Variants in ATG5 observed in about 807,000 individuals in gnomAD.
ATG5 encodes the protein autophagy protein 5.
ATG5 carries 14 observed loss-of-function variants against 36.5 expected under a neutral mutation model. The observed-to-expected ratio is 0.38, with a 90% CI of 0.25 to 0.60. The LOEUF (loss-of-function observed/expected upper bound fraction) is 0.60, where lower values mean the gene tolerates loss of function less well. Among genes scored for constraint, ATG5 ranks in the 20% least tolerant of loss-of-function variants. The pLI, the probability that ATG5 is intolerant of heterozygous loss-of-function variation, is 0.60. For synonymous variants in ATG5, 95 were observed against 101.5 expected (o/e 0.94, Z 0.38); for missense variants, 195 against 326.7 (o/e 0.60, Z 3.11).
In ATG5 at chr6:106,246,871, T is replaced by A. The variant is rs544912878; in HGVS notation, c.573+1279A>T. ...AGAATATAAATAATTAAAATAAAAT[T>A]GACAAATGATAAATGATTTAATAAA... On this transcript the variant is annotated intron_variant, in intron 6 of 7. Coordinates refer to ENST00000369076, the MANE Select transcript of ATG5 (RefSeq NM_004849.4). 4.6e-5 allele frequency among the ~76,000 whole-genome samples: 7 copies of A among 152,298 alleles called. No homozygotes were observed. The South Asian group carries it at 8.3e-4, about 18-fold the overall frequency.
Position 106,288,073 on chromosome 6 carries a change from C to T in ATG5, c.315+4955G>A, listed in dbSNP as rs150634912. ...GCAACCTCCGCCCCCCAGGTTCAAG[C>T]GATTCTCCTGCCTCAGCCTCCCGAG... On this transcript the variant is annotated intron_variant, in intron 4 of 7. Coordinates refer to ENST00000369076, the MANE Select transcript of ATG5 (RefSeq NM_004849.4). Among the ~76,000 whole-genome samples, 160 of 151,640 alleles carry T rather than the reference C, an allele frequency of 1.1e-3. 1 individual carries two copies. The highest frequency in any genetic ancestry group is 3.7e-3 in the African/African-American group (152 of 41,298).
rs139861860 is a variant in ATG5, at chr6:106,311,307, T to C, written c.109-2816A>G. On this transcript the variant is annotated intron_variant, in intron 2 of 7. Transcript: ENST00000369076. ...AAAACAAAATTACAAATGTGATTAA[T>C]GCAGGGAGGAAGTAAAGAATGTTAT... 5.9e-5 allele frequency among the ~76,000 whole-genome samples: 9 copies of C among 152,332 alleles called. No individual in the cohort carries two copies. In the East Asian group the frequency reaches 1.7e-3, roughly 29 times the overall value.
intron 6 of ATG5, among the ~76,000 whole-genome samples, chr6:106,216,566 G>A (rs564050211): frequency 1.1e-4 from 16 of 152,312 alleles, no homozygotes; most frequent in African/African-American, 3.8e-4. Flanking sequence ...TAGTTGCCAA[G>A]GGCTGGAGGG....
At chr6:106,302,841 G>A (rs2787545) in intron 3 of ATG5, among the ~76,000 whole-genome samples, 12,965 of 151,700 alleles carry the variant, frequency 0.085, 582 homozygotes, top group South Asian at 0.13. Context: ...ACACAGACCC[G>A]AATGAAAACA....
chr6:106,240,469 A>C (rs1191106341), intron 6 of ATG5, among the ~76,000 whole-genome samples: 2 of 151,548 alleles, frequency 1.3e-5, no homozygotes, highest in East Asian at 3.8e-4. Flanking sequence ...ATGGTCAACA[A>C]AGATAAAACA....
intron 1 of ATG5, among the ~76,000 whole-genome samples, chr6:106,322,680 A>T (rs2763222): frequency 6.6e-6 from 1 of 152,136 alleles, no homozygotes; most frequent in African/African-American, 2.4e-5. Context: ...AAATCTCTCC[A>T]AACTGTAAAT....
chr6:106,223,258 A>G (rs948190432), intron 6 of ATG5, among the ~76,000 whole-genome samples: 1 of 152,228 alleles, frequency 6.6e-6, no homozygotes, highest in African/African-American at 2.4e-5. Context: ...CTACTCTTAT[A>G]ACATGACAAT....
intron 2 of ATG5, among the ~76,000 whole-genome samples, chr6:106,312,002 T>C (rs1185603326): frequency 6.6e-6 from 1 of 152,072 alleles, no homozygotes; most frequent in Non-Finnish European, 1.5e-5. Flanking sequence ...GGCTAATTTT[T>C]TGTATTTTTA....
intron 5 of ATG5, among the ~76,000 whole-genome samples, chr6:106,257,185 G>A (rs1235862357): frequency 1.3e-5 from 2 of 152,146 alleles, no homozygotes; most frequent in Admixed American, 6.5e-5. Context: ...AATAACATGA[G>A]TGAAGCTGTC....
chr6:106,201,770 C>T (rs1225517962), intron 7 of ATG5: 7 of 332,698 alleles, frequency 2.1e-5, no homozygotes, highest in African/African-American at 4.3e-5. Flanking sequence ...TATTTTATTT[C>T]GCCAGTCGAG....
chr6:106,259,433 T>C lies in ATG5; in HGVS notation c.479-11189A>G, dbSNP rs543530669. ...CCAGTGTTTCTCAAATTTTTTCATT[T>C]ACAGCTCAGATATCTGAATTGCATT... On this transcript the variant is annotated intron_variant, in intron 5 of 7. Transcript: ENST00000369076. Among the ~76,000 whole-genome samples the C allele has an allele frequency of 5.3e-5, 8 of 152,338 alleles. No homozygotes were observed. In the East Asian group the frequency reaches 1.3e-3, roughly 26 times the overall value.
At chr6:106,188,175 T>C (rs1224617887) in intron 7 of ATG5, among the ~76,000 whole-genome samples, 1 of 152,220 alleles carries the variant, frequency 6.6e-6, no homozygotes, top group African/African-American at 2.4e-5. Flanking sequence ...GAAGATTTTT[T>C]AAACATTGGT....
intron 6 of ATG5, among the ~76,000 whole-genome samples, chr6:106,243,848 A>G (rs1270652871): frequency 6.6e-6 from 1 of 151,158 alleles, no homozygotes; most frequent in Non-Finnish European, 1.5e-5. Context: ...ATAAATAAGT[A>G]AGTAAATAAA....
chr6:106,209,629 T>A (rs941907802), intron 6 of ATG5, among the ~76,000 whole-genome samples: 3 of 152,112 alleles, frequency 2.0e-5, no homozygotes, highest in African/African-American at 7.2e-5. Flanking sequence ...TTTACATATG[T>A]GATAAAGATT....
chr6:106,245,401 T>C (rs12110796), intron 6 of ATG5, among the ~76,000 whole-genome samples: 4,815 of 152,308 alleles, frequency 0.032, 265 homozygotes, highest in East Asian at 0.25. Context: ...CTGAAAATTC[T>C]ACAAACTTAA....
At chr6:106,314,374 T>C (rs1302347468) in intron 2 of ATG5, among the ~76,000 whole-genome samples, 2 of 152,012 alleles carry the variant, frequency 1.3e-5, no homozygotes, top group Non-Finnish European at 2.9e-5. Flanking sequence ...CTGGCCAACA[T>C]AGCGAAACCC....
At position 106,185,944 on chromosome 6, in the gene ATG5, CTTTA is replaced by C. The variant is rs1775747701; in HGVS notation, c.*592_*595del. On this transcript the variant is annotated 3_prime_UTR_variant, in exon 8 of 8. Coordinates refer to ENST00000369076, the MANE Select transcript of ATG5 (RefSeq NM_004849.4). ...TTAAATGACAAAACATATTTAGAGG[CTTTA>C]TTTAAAAATCTCTCACTGTTCATTA... 6.6e-6 allele frequency: 1 copy of C among 152,666 alleles called. No homozygotes were observed. Among genetic ancestry groups the C allele is most frequent in the Admixed American group, 6.6e-5 (1 of 15,258 alleles). 9.5% of individuals were successfully genotyped at this position (152,666 alleles called of 1,614,324 possible). A position where few individuals can be genotyped will look rare whatever the true frequency, so the allele number is the denominator to read the frequency against.
At chr6:106,216,408 T>C (rs1777040530) in intron 6 of ATG5, among the ~76,000 whole-genome samples, 1 of 152,194 alleles carries the variant, frequency 6.6e-6, no homozygotes, top group East Asian at 1.9e-4. Flanking sequence ...CAACTATTAC[T>C]GGGCCATAAA....
chr6:106,325,016 A>C (rs564886772), intron 1 of ATG5, among the ~76,000 whole-genome samples: 2 of 152,362 alleles, frequency 1.3e-5, no homozygotes, highest in African/African-American at 4.8e-5. Context: ...CCTCAAGTTC[A>C]GGATAATTTT....
Sources: allele counts gnomAD v4.1 joint callset (sites outside exome capture counted in the v4.1 genomes callset), GRCh38; gene constraint gnomAD v4.1.1; transcripts MANE v1.5; gene names NCBI Gene and HGNC (gene_info 2026-07-23, HGNC 2026-07-21).